The following PHF20 variants were observed in gnomAD, a reference collection of about 807,000 sequenced individuals.
PHF20 encodes the protein glioma-expressed antigen 2.
Under a neutral mutation model 113.5 loss-of-function variants are expected in PHF20, and 23 were observed. That is an observed-to-expected ratio of 0.20 (90% confidence interval 0.15 to 0.29). PHF20 has a LOEUF of 0.29. Among genes scored for constraint, PHF20 ranks in the 10% least tolerant of loss-of-function variants. The probability of loss-of-function intolerance (pLI) is 1.00; values close to 1 mark genes in which losing one functional copy is unlikely to be tolerated. For synonymous variants in PHF20, 434 were observed against 457.3 expected, an observed-to-expected ratio of 0.95 and a Z score of 0.65; for missense variants, 943 against 1,219.6, an observed-to-expected ratio of 0.77 and a Z score of 3.38.
rs766721228 is a variant in PHF20, at chr20:35,914,182, A to G, written c.1810A>G (p.Lys604Glu). Reference sequence around the variant, plus strand: ...CCCAGAATCTGGACACCACAAAGGGAAAGTGAAAGCATTGGGTAAGGAGGC... The same window carrying G: ...CCCAGAATCTGGACACCACAAAGGGGAAGTGAAAGCATTGGGTAAGGAGGC... ...HGPESGHHKG[K>E]VKALEEDNLS... is the part of the protein sequence containing the mutation. The change falls in exon 12 of 18, where the codon AAA becomes GAA. Residue 604 changes from lysine to glutamate, a missense_variant. Physicochemically the swap from Lys to Glu is moderately conservative, Grantham distance 56 (BLOSUM62 1). Around this residue, in one of 3 missense-constraint regions of PHF20, gnomAD observed 592 missense variants for 787.2 expected, o/e 0.75. Transcript: ENST00000374012. 6.2e-7 allele frequency: 1 copy of G among 1,614,092 alleles called. No individual in the cohort carries two copies. Among genetic ancestry groups the G allele is most frequent in the Admixed American group, 1.7e-5 (1 of 60,010 alleles).
chr20:35,916,276 A>G (rs1357105480), intron 12 of PHF20, among the ~76,000 whole-genome samples: 1 of 152,256 alleles, frequency 6.6e-6, no homozygotes, highest in Non-Finnish European at 1.5e-5. Flanking sequence ...CAATTTGTAA[A>G]ATAATATACA....
Position 35,941,053 on chromosome 20 carries a change from G to C in PHF20, c.2896+6G>C, listed in dbSNP as rs2147131344. On this transcript the variant is annotated splice_donor_region_variant and intron_variant, in intron 17 of 17. Transcript: ENST00000374012. ...CATTGAGAAGGAGTTGGATGGTAGGGCTCCTTCATTGGCCCCCTGTGCATT... is the reference window on the plus strand; with the variant it reads ...CATTGAGAAGGAGTTGGATGGTAGGCCTCCTTCATTGGCCCCCTGTGCATT... 6.2e-7 allele frequency: 1 copy of C among 1,609,474 alleles called. No homozygotes were observed. Among genetic ancestry groups the C allele is most frequent in the African/African-American group, 1.3e-5 (1 of 74,904 alleles).
intron 3 of PHF20, among the ~76,000 whole-genome samples, chr20:35,844,589 A>G (rs1458833084): frequency 2.1e-5 from 3 of 141,320 alleles, no homozygotes; most frequent in Non-Finnish European, 4.7e-5. Flanking sequence ...ACACACACAC[A>G]CAGGCTGAAA....
At chr20:35,883,071 A>G (rs2054664038) in intron 9 of PHF20, among the ~76,000 whole-genome samples, 1 of 151,446 alleles carries the variant, frequency 6.6e-6, no homozygotes, top group African/African-American at 2.4e-5. Context: ...ATAATTAGCT[A>G]GGCATTGTGG....
chr20:35,861,198 A>G (rs1261806991), intron 5 of PHF20, among the ~76,000 whole-genome samples: 2 of 149,758 alleles, frequency 1.3e-5, no homozygotes, highest in Non-Finnish European at 3.0e-5. Context: ...AAATGTTTTG[A>G]TAGTCTCTAT....
chr20:35,883,215 T>C (rs1314466505), intron 9 of PHF20, among the ~76,000 whole-genome samples: 1 of 152,040 alleles, frequency 6.6e-6, no homozygotes, highest in African/African-American at 2.4e-5. Flanking sequence ...ACCCTGTCTC[T>C]GGAAAAACAA....
At chr20:35,927,472 C>A (rs114332438) in intron 13 of PHF20, among the ~76,000 whole-genome samples, 2,862 of 152,292 alleles carry the variant, frequency 0.019, 91 homozygotes, top group African/African-American at 0.066. Flanking sequence ...CAAAGTCACA[C>A]AGCTAATGAG....
At chr20:35,886,942 G>A (rs1468916345) in intron 9 of PHF20, among the ~76,000 whole-genome samples, 2 of 152,146 alleles carry the variant, frequency 1.3e-5, no homozygotes, top group African/African-American at 2.4e-5. Flanking sequence ...GGTGCGTTTG[G>A]AAGCAAGATG....
chr20:35,827,418 A>G (rs904040624), intron 2 of PHF20, among the ~76,000 whole-genome samples: 2 of 152,274 alleles, frequency 1.3e-5, no homozygotes, highest in Non-Finnish European at 2.9e-5. Flanking sequence ...AGACTATTAC[A>G]TGGCTAAGAC....
intron 1 of PHF20, among the ~76,000 whole-genome samples, chr20:35,797,947 G>C (rs538765716): frequency 6.6e-6 from 1 of 152,056 alleles, no homozygotes; most frequent in Admixed American, 6.6e-5. Context: ...ACTGCGCCTA[G>C]CCTGGAATGG....
intron 1 of PHF20, among the ~76,000 whole-genome samples, chr20:35,784,302 T>C (rs1040119332): frequency 4.6e-5 from 7 of 151,516 alleles, no homozygotes; most frequent in African/African-American, 1.7e-4. Flanking sequence ...TCTGCCTGCC[T>C]CGGCCTCCCA....
At chr20:35,896,277 T>C (rs1208944694) in intron 9 of PHF20, among the ~76,000 whole-genome samples, 1 of 152,006 alleles carries the variant, frequency 6.6e-6, no homozygotes, top group Non-Finnish European at 1.5e-5. Flanking sequence ...TTACCAAAGG[T>C]TTAACAGGCT....
At chr20:35,813,259 C>T (rs1257488098) in intron 2 of PHF20, among the ~76,000 whole-genome samples, 1 of 152,112 alleles carries the variant, frequency 6.6e-6, no homozygotes, top group Non-Finnish European at 1.5e-5. Context: ...CGCGGTGAGC[C>T]ACCGCGCCCG....
chr20:35,841,340 CTCAA>C (rs541549453), intron 2 of PHF20, among the ~76,000 whole-genome samples: 40 of 151,882 alleles, frequency 2.6e-4, no homozygotes, highest in East Asian at 1.2e-3. Flanking sequence ...GAGACCCTGT[CTCAA>C]TCAATCAATC....
chr20:35,928,312 G>A (rs73618551), intron 14 of PHF20, among the ~76,000 whole-genome samples: 1,601 of 151,892 alleles, frequency 0.011, 18 homozygotes, highest in East Asian at 0.039. Flanking sequence ...GGTGACAGGC[G>A]CCTGTAACCC....
chr20:35,851,934 T>C (rs1167401832), intron 4 of PHF20, among the ~76,000 whole-genome samples: 1 of 151,088 alleles, frequency 6.6e-6, no homozygotes, highest in Non-Finnish European at 1.5e-5. Flanking sequence ...AAAAAAAAGA[T>C]GTCAATGTGC....
At chr20:35,931,489 GTCTGGGGGCTGAGTAAA>G in intron 15 of PHF20, 45 bp downstream of exon 15, 1 of 1,463,560 alleles carries the variant, frequency 6.8e-7, no homozygotes, top group Non-Finnish European at 9.4e-7. Context: ...GTTTGGCATG[GTCTGGGGGCTGAGTAAA>G]TCTGAGAAAT....
chr20:35,819,112 G>A (rs2146897734), intron 2 of PHF20, among the ~76,000 whole-genome samples: 1 of 152,038 alleles, frequency 6.6e-6, no homozygotes, highest in Middle Eastern at 3.4e-3. Context: ...TGTATTTTTA[G>A]TAGAGACATG....
chr20:35,837,262 T>A (rs1015328562), intron 2 of PHF20, among the ~76,000 whole-genome samples: 3 of 152,240 alleles, frequency 2.0e-5, no homozygotes, highest in African/African-American at 7.2e-5. Flanking sequence ...AATATTTAAC[T>A]AAATTTTTAA....
Sources: gnomAD v4.1 joint callset for allele counts (sites outside exome capture counted in the v4.1 genomes callset) on GRCh38, gnomAD v4.1.1 for gene constraint, gnomAD v4.1.1 regional missense constraint, MANE v1.5 for transcripts, NCBI Gene and HGNC (gene_info 2026-07-23, HGNC 2026-07-21) for gene names.